Variants in DPYD observed in about 807,000 individuals in gnomAD.
DPYD encodes the protein dihydropyrimidine dehydrogenase, also known as dihydropyrimidine dehydrogenase [NADP(+)].
In DPYD, 109 loss-of-function variants were observed where a neutral mutation model predicts 116.2. The observed-to-expected ratio is 0.94, with a 90% confidence interval of 0.80 to 1.10. The LOEUF is 1.10. Ranked by LOEUF, DPYD falls within the 50% of genes least tolerant of loss-of-function variation. The pLI, the probability that DPYD is intolerant of heterozygous loss-of-function variation, is 0.00. For synonymous variants in DPYD, 440 were observed against 432.0 expected (o/e 1.02, Z -0.23); for missense variants, 1,302 against 1,254.5 (o/e 1.04, Z -0.57).
At position 97,634,753 on chromosome 1, in the gene DPYD, G is replaced by A. The variant is rs72732402; in HGVS notation, c.851-39587C>T. On this transcript the variant is annotated intron_variant, in intron 8 of 22. Coordinates refer to ENST00000370192, the MANE Select transcript of DPYD (RefSeq NM_000110.4). Reference sequence around the variant, plus strand: ...CATTGTGCAGTATTTGACACTGGTGGCCACAGTAGGCATACACGTTTCTGC... The same window carrying A: ...CATTGTGCAGTATTTGACACTGGTGACCACAGTAGGCATACACGTTTCTGC... Among the ~76,000 whole-genome samples the A allele has an allele frequency of 4.1e-3, 619 of 152,042 alleles. 5 individuals carry two copies. Among genetic ancestry groups the A allele is most frequent in the African/African-American group, 0.014 (570 of 41,482 alleles).
chr1:97,815,851 C>T (rs1439396329), intron 3 of DPYD, among the ~76,000 whole-genome samples: 2 of 151,972 alleles, frequency 1.3e-5, no homozygotes, highest in Admixed American at 1.3e-4. Context: ...ACAAGGGAAA[C>T]TTTTGAAAAG....
At chr1:97,288,419 T>C (rs1382746630) in intron 18 of DPYD, among the ~76,000 whole-genome samples, 9 of 151,766 alleles carry the variant, frequency 5.9e-5, no homozygotes, top group Admixed American at 5.9e-4. Flanking sequence ...ATTCCAAAAC[T>C]GACCACATAG....
intron 16 of DPYD, among the ~76,000 whole-genome samples, chr1:97,351,274 G>C (rs1670130514): frequency 1.3e-5 from 2 of 152,092 alleles, no homozygotes; most frequent in Non-Finnish European, 2.9e-5. Context: ...CAGGGCAACT[G>C]ACTTATTCTT....
intron 14 of DPYD, among the ~76,000 whole-genome samples, chr1:97,394,757 A>G (rs951358084): frequency 6.6e-6 from 1 of 152,054 alleles, no homozygotes; most frequent in East Asian, 1.9e-4. Context: ...TGTATTGGAA[A>G]TTGATTTCAA....
chr1:97,505,091 C>G (rs1013993572), intron 13 of DPYD, among the ~76,000 whole-genome samples: 1 of 151,840 alleles, frequency 6.6e-6, no homozygotes, highest in Non-Finnish European at 1.5e-5. Flanking sequence ...AAGGTATAGA[C>G]GATGCAAACA....
At position 97,621,098 on chromosome 1, in the gene DPYD, T is replaced by A. The variant is rs553943491; in HGVS notation, c.851-25932A>T. ...AAAGAAATTTAGATTTGATTGAGTA[T>A]ATTAACTATTTTGGAGACTCATCAA... On this transcript the variant is annotated intron_variant, in intron 8 of 22. Coordinates refer to ENST00000370192, the MANE Select transcript of DPYD (RefSeq NM_000110.4). Among the ~76,000 whole-genome samples the A allele has an allele frequency of 7.9e-5, 12 of 152,278 alleles. 1 individual carries two copies. Among genetic ancestry groups the A allele is most frequent in the Admixed American group, 6.5e-4 (10 of 15,288 alleles).
At chr1:97,573,564 C>T (rs560575124) in intron 11 of DPYD, among the ~76,000 whole-genome samples, 196 bp downstream of exon 11, 1 of 152,244 alleles carries the variant, frequency 6.6e-6, no homozygotes, top group South Asian at 2.1e-4. Flanking sequence ...CTTTTCAATA[C>T]TTGCCACTTT....
intron 18 of DPYD, among the ~76,000 whole-genome samples, chr1:97,284,154 T>A (rs1665509215): frequency 6.6e-6 from 1 of 152,170 alleles, no homozygotes. Context: ...GATACGTCAC[T>A]TCTTTCATGT....
chr1:97,306,744 A>G (rs1275204622), intron 16 of DPYD, among the ~76,000 whole-genome samples: 1 of 151,976 alleles, frequency 6.6e-6, no homozygotes, highest in Non-Finnish European at 1.5e-5. Flanking sequence ...TGTTTTCATT[A>G]TTAGACTTAG....
intron 1 of DPYD, among the ~76,000 whole-genome samples, chr1:97,896,370 C>T (rs142972979): frequency 2.6e-4 from 39 of 151,888 alleles, no homozygotes; most frequent in African/African-American, 9.4e-4. Flanking sequence ...CAGCTACCCA[C>T]TGAGTCTTCA....
chr1:97,573,890 A>G lies in DPYD; in HGVS notation c.1209T>C (p.Ile403=), dbSNP rs267598788. 1 of 1,613,698 alleles carries G rather than the reference A, an allele frequency of 6.2e-7. No individual in the cohort carries two copies. ...CTGTCCGAACAAACTGCATAGCAACAATTCTCCCACCTTTTACTATAACCT... is the reference window on the plus strand; with the variant it reads ...CTGTCCGAACAAACTGCATAGCAACGATTCTCCCACCTTTTACTATAACCT... ...PRKVIVKGGR[I]VAMQFVRTEQ... The change falls in exon 11 of 23, where the codon ATT becomes ATC. Residue 403 remains isoleucine, a synonymous_variant. Transcript: ENST00000370192.
At chr1:97,350,098 T>TTG (rs1670066870) in intron 16 of DPYD, among the ~76,000 whole-genome samples, 1 of 152,106 alleles carries the variant, frequency 6.6e-6, no homozygotes, top group South Asian at 2.1e-4. Flanking sequence ...ACCACTCCTC[T>TTG]TGTAGGCTGG....
chr1:97,595,187 A>C, intron 8 of DPYD, 21 bp from the exon 9 acceptor site: 1 of 1,597,928 alleles, frequency 6.3e-7, no homozygotes, highest in Non-Finnish European at 8.6e-7. Context: ...AAATTTATAA[A>C]ATATCATTAG....
chr1:97,209,629 A>G (rs1378409077), intron 19 of DPYD, among the ~76,000 whole-genome samples: 1 of 152,142 alleles, frequency 6.6e-6, no homozygotes, highest in Non-Finnish European at 1.5e-5. Context: ...ATTCATTGCT[A>G]CATCTGGTGT....
chr1:97,485,641 T>C (rs181023359), intron 13 of DPYD, among the ~76,000 whole-genome samples: 1 of 152,350 alleles, frequency 6.6e-6, no homozygotes, highest in East Asian at 1.9e-4. Flanking sequence ...TTATTAATTT[T>C]GATTTCTAGA....
intron 12 of DPYD, among the ~76,000 whole-genome samples, chr1:97,518,070 C>T (rs533875565): frequency 9.2e-5 from 14 of 152,056 alleles, no homozygotes; most frequent in East Asian, 3.9e-4. Context: ...GAAATTCTTA[C>T]GAACATTGCT....
chr1:97,635,816 A>G (rs1657525775), intron 8 of DPYD, among the ~76,000 whole-genome samples: 2 of 151,962 alleles, frequency 1.3e-5, no homozygotes, highest in South Asian at 2.1e-4. Context: ...AATTGTTTTT[A>G]TTTGTTTGCT....
chr1:97,351,193 G>A (rs185940629), intron 16 of DPYD, among the ~76,000 whole-genome samples: 36 of 152,222 alleles, frequency 2.4e-4, no homozygotes, highest in African/African-American at 8.2e-4. Flanking sequence ...ACCGAGAAGA[G>A]AGTAATTAAA....
At chr1:97,252,788 T>A (rs997652511) in intron 18 of DPYD, among the ~76,000 whole-genome samples, 1 of 152,192 alleles carries the variant, frequency 6.6e-6, no homozygotes, top group African/African-American at 2.4e-5. Flanking sequence ...GGGCCAATGG[T>A]CACAATGTAT....
Sources: allele counts gnomAD v4.1 joint callset (sites outside exome capture counted in the v4.1 genomes callset), GRCh38; gene constraint gnomAD v4.1.1; transcripts MANE v1.5; gene names NCBI Gene and HGNC (gene_info 2026-07-23, HGNC 2026-07-21).